Variants in CCDC149 observed in about 807,000 individuals in gnomAD.
CCDC149 encodes coiled-coil domain containing 149, also known as coiled-coil domain-containing protein 149.
In CCDC149, 45 loss-of-function variants were observed where a neutral mutation model predicts 59.9. The ratio of observed to expected loss-of-function variants is 0.75; its 90% CI spans 0.59 to 0.96. CCDC149 has a LOEUF of 0.96. CCDC149 is among the 40% of genes least tolerant of loss of function. CCDC149 has a pLI of 0.00. For missense variants in CCDC149, 584 were observed against 664.7 expected (o/e 0.88, Z 1.33); for synonymous variants, 245 against 260.6 (o/e 0.94, Z 0.58).
At chr4:24,945,400 G>A (rs1224605193) in intron 1 of CCDC149, among the ~76,000 whole-genome samples, 3 of 152,104 alleles carry the variant, frequency 2.0e-5, no homozygotes, top group African/African-American at 7.2e-5. Context: ...TGGTAACAGA[G>A]GCAGAGATTG....
intron 4 of CCDC149, among the ~76,000 whole-genome samples, chr4:24,845,543 C>T (rs929692474): frequency 3.9e-5 from 6 of 152,196 alleles, no homozygotes; most frequent in African/African-American, 9.7e-5. Context: ...TACACAATAC[C>T]GACTGTACCA....
intron 1 of CCDC149, among the ~76,000 whole-genome samples, chr4:24,899,626 G>A (rs1721043991): frequency 6.6e-6 from 1 of 152,092 alleles, no homozygotes; most frequent in South Asian, 2.1e-4. Context: ...AGGGCAAAGG[G>A]ACAGACAGAC....
At chr4:24,908,682 A>G (rs1012469136) in intron 1 of CCDC149, among the ~76,000 whole-genome samples, 2 of 152,280 alleles carry the variant, frequency 1.3e-5, no homozygotes, top group Non-Finnish European at 2.9e-5. Flanking sequence ...CATGGGCAAC[A>G]GAGTGAGACC....
At chr4:24,913,616 G>C (rs1722027067), upstream of CCDC149, among the ~76,000 whole-genome samples, 1 of 152,208 alleles carries the variant, frequency 6.6e-6, no homozygotes, top group South Asian at 2.1e-4. Context: ...CTCTGAGGGA[G>C]ATGGTTAGCA....
intron 4 of CCDC149, among the ~76,000 whole-genome samples, 156 bp from the exon 5 acceptor site, chr4:24,838,428 T>A (rs946086251): frequency 7.9e-5 from 12 of 152,152 alleles, no homozygotes; most frequent in South Asian, 2.1e-4. Context: ...ATCCATTTTT[T>A]AAAAAATTAA....
downstream of CCDC149, among the ~76,000 whole-genome samples, chr4:24,804,647 A>C (rs1714065373): frequency 6.6e-6 from 1 of 152,200 alleles, no homozygotes. Context: ...CACCTCAGTG[A>C]GTAAGCAGCT....
At chr4:24,840,586 T>C (rs948409963) in intron 4 of CCDC149, among the ~76,000 whole-genome samples, 5 of 152,172 alleles carry the variant, frequency 3.3e-5, no homozygotes, top group Middle Eastern at 3.2e-3. Flanking sequence ...GTCCTTTTCA[T>C]GATCTAGTGA....
chr4:24,949,139 T>A (rs1158329924), intron 1 of CCDC149, among the ~76,000 whole-genome samples: 3 of 152,210 alleles, frequency 2.0e-5, no homozygotes, highest in Non-Finnish European at 4.4e-5. Flanking sequence ...CTCCAGGGCT[T>A]CATCATGCCT....
chr4:24,853,605 A>AG (rs1286532588), intron 3 of CCDC149, among the ~76,000 whole-genome samples: 2,403 of 147,556 alleles, frequency 0.016, 67 homozygotes, highest in African/African-American at 0.057. Flanking sequence ...AAAAAAAAAA[A>AG]AGAGAGAGAG....
intron 3 of CCDC149, 152 bp from the exon 4 acceptor site, chr4:24,853,331 T>C: frequency 1.5e-6 from 1 of 648,548 alleles, no homozygotes; most frequent in Non-Finnish European, 2.7e-6. Context: ...AGCCAGTGTG[T>C]GAATCACACC....
At chr4:24,870,869 C>T (rs900455052) in intron 3 of CCDC149, among the ~76,000 whole-genome samples, 2 of 151,794 alleles carry the variant, frequency 1.3e-5, no homozygotes, top group African/African-American at 4.8e-5. Flanking sequence ...CACGGTGAAA[C>T]CCCATCTCTA....
intron 1 of CCDC149, among the ~76,000 whole-genome samples, chr4:24,963,974 G>A (rs933539336): frequency 2.0e-5 from 3 of 152,148 alleles, no homozygotes; most frequent in Admixed American, 6.5e-5. Context: ...GCAGGAGGAT[G>A]GCTTGAGCCT....
chr4:24,885,189 T>C (rs768863589), intron 1 of CCDC149, among the ~76,000 whole-genome samples: 10 of 152,214 alleles, frequency 6.6e-5, no homozygotes, highest in South Asian at 4.1e-4. Context: ...GGAGTTCAGA[T>C]TGTATTCTTC....
At chr4:24,879,616 CGGAGG>C (rs1719710129) in intron 1 of CCDC149, among the ~76,000 whole-genome samples, 1 of 149,570 alleles carries the variant, frequency 6.7e-6, no homozygotes, top group Admixed American at 6.7e-5. Context: ...ACTCGGGAGG[CGGAGG>C]TTGCAGTGAG....
At chr4:24,943,339 G>C (rs994467361) in intron 1 of CCDC149, among the ~76,000 whole-genome samples, 2 of 151,688 alleles carry the variant, frequency 1.3e-5, no homozygotes, top group African/African-American at 4.9e-5. Context: ...TTAATAAATG[G>C]TGCTGGGAAA....
chr4:24,925,552 T>C (rs1722414644), intron 1 of CCDC149, among the ~76,000 whole-genome samples: 1 of 152,202 alleles, frequency 6.6e-6, no homozygotes, highest in East Asian at 1.9e-4. Flanking sequence ...TAATCAACTT[T>C]ATAGACAAAA....
At chr4:24,965,407 T>TA (rs1723764630) in intron 1 of CCDC149, among the ~76,000 whole-genome samples, 1 of 145,882 alleles carries the variant, frequency 6.9e-6, no homozygotes, top group African/African-American at 2.7e-5. Context: ...GAACAACTAC[T>TA]AAAAATCTAT....
chr4:24,909,841 AG>A (rs1271141820), intron 1 of CCDC149, among the ~76,000 whole-genome samples: 1 of 152,136 alleles, frequency 6.6e-6, no homozygotes. Flanking sequence ...CATCCATGTA[AG>A]ATGTTACTTG....
At chr4:24,947,796 A>T (rs1203954193) in intron 1 of CCDC149, among the ~76,000 whole-genome samples, 2 of 151,592 alleles carry the variant, frequency 1.3e-5, no homozygotes, top group Admixed American at 6.6e-5. Context: ...GAGTTTAGAA[A>T]ATTCATTACA....
Sources: gnomAD v4.1 joint callset for allele counts (sites outside exome capture counted in the v4.1 genomes callset) on GRCh38, gnomAD v4.1.1 for gene constraint, MANE v1.5 for transcripts, NCBI Gene and HGNC (gene_info 2026-07-23, HGNC 2026-07-21) for gene names.